Variants in ENOSF1 observed in about 807,000 individuals in gnomAD.
ENOSF1 encodes the protein enolase superfamily member 1.
In ENOSF1, 73 loss-of-function variants were observed where a neutral mutation model predicts 68.2. The ratio of observed to expected loss-of-function variants is 1.07; its 90% CI spans 0.89 to 1.30. The LOEUF (loss-of-function observed/expected upper bound fraction) is 1.30, where lower values mean the gene tolerates loss of function less well. Ranked by LOEUF, ENOSF1 falls within the 50% of genes most tolerant of loss-of-function variation. The probability of loss-of-function intolerance (pLI) is 0.00; values close to 1 mark genes in which losing one functional copy is unlikely to be tolerated. For synonymous variants in ENOSF1, 223 were observed against 210.4 expected (o/e 1.06, Z -0.52); for missense variants, 589 against 554.5 (o/e 1.06, Z -0.62).
chr18:678,539 G>C (rs961286931), intron 12 of ENOSF1, 157 bp downstream of exon 12: 3 of 713,948 alleles, frequency 4.2e-6, no homozygotes, highest in Non-Finnish European at 7.4e-6. Flanking sequence ...TCTGACTCTA[G>C]ACTCTGATAA....
Position 670,549 on chromosome 18 carries a change from A to G in ENOSF1, c.*3756T>C. On this transcript the variant is annotated 3_prime_UTR_variant, in exon 16 of 16. Transcript: ENST00000647584. ...CCGTGCCATCGCTGCAGAGGCTGTT[A>G]TGGACATCACTGCAGCCCAGTGGCT... 7.3e-6 allele frequency: 6 copies of G among 818,384 alleles called. No homozygotes were observed. The highest frequency in any genetic ancestry group is 1.2e-5 in the Non-Finnish European group (6 of 519,988). The allele number at this position is 818,384 out of a possible 1,614,324, so 50.7% of individuals were successfully genotyped here.
chr18:695,727 G>A (rs572224424), intron 3 of ENOSF1, among the ~76,000 whole-genome samples: 2 of 152,292 alleles, frequency 1.3e-5, no homozygotes, highest in South Asian at 4.1e-4. Context: ...TTATAGGCGT[G>A]AGCTACTGTG....
Position 695,134 on chromosome 18 carries a change from G to A in ENOSF1, c.310-800C>T, listed in dbSNP as rs372114762. On this transcript the variant is annotated intron_variant, in intron 3 of 15. Coordinates refer to ENST00000647584, the MANE Select transcript of ENOSF1 (RefSeq NM_017512.7). ...CTGGGATCACGTATTACATTTAGTC[G>A]CCATGCCTCTTTAGTCTCTTTTTAC... Among the ~76,000 whole-genome samples the A allele has an allele frequency of 2.0e-4, 31 of 152,108 alleles. No individual in the cohort carries two copies. In the South Asian group the frequency reaches 5.4e-3, roughly 27 times the overall value.
At position 677,359 on chromosome 18, in the gene ENOSF1, T is replaced by C; in HGVS notation, c.1134A>G (p.Ala378=). Residue 378 remains alanine (A), a synonymous_variant, in exon 14 of 16, where the codon GCA becomes GCG. Transcript: ENST00000647584. ...LIIFDYISVS[A]SLENRVCEYV... is the part of the protein sequence containing the mutation. ...ACATTACTGACCTATTTTCAAGGCT[T>C]GCAGAAACTGATATGTAGTCAAATA... 6.2e-7 allele frequency: 1 copy of C among 1,613,846 alleles called. No individual in the cohort carries two copies. Among genetic ancestry groups the C allele is most frequent in the African/African-American group, 1.3e-5 (1 of 75,040 alleles).
At position 694,418 on chromosome 18, in the gene ENOSF1, A is replaced by G; in HGVS notation, c.310-84T>C. On this transcript the variant is annotated intron_variant, in intron 3 of 15. Transcript: ENST00000647584. ...GATGGCTCATGCCTGTAAACCCAGG[A>G]CTTTGGGACCAAGACCAGCCTGGCC... 3.1e-6 allele frequency: 4 copies of G among 1,301,006 alleles called. No individual in the cohort carries two copies. In the South Asian group the frequency reaches 5.2e-5, roughly 17 times the overall value. The allele number at this position is 1,301,006 out of a possible 1,614,324, so 80.6% of individuals were successfully genotyped here.
downstream of ENOSF1, among the ~76,000 whole-genome samples, chr18:667,233 A>C (rs200932742): frequency 3.1e-4 from 4 of 13,030 alleles, no homozygotes; most frequent in African/African-American, 2.2e-3. Flanking sequence ...ATGGTGATGG[A>C]GATGGAGATG....
chr18:684,672 C>T (rs2076447074), intron 10 of ENOSF1, among the ~76,000 whole-genome samples: 1 of 152,110 alleles, frequency 6.6e-6, no homozygotes, highest in Non-Finnish European at 1.5e-5. Flanking sequence ...CCTCTCCCTC[C>T]TAGGCCCTGG....
At chr18:666,843 T>C (rs1186702384), downstream of ENOSF1, among the ~76,000 whole-genome samples, 1 of 152,210 alleles carries the variant, frequency 6.6e-6, no homozygotes, top group South Asian at 2.1e-4. Context: ...GGGGAGTTCA[T>C]GTTTAATGGG....
At chr18:696,267 A>G (rs1484526352) in intron 3 of ENOSF1, among the ~76,000 whole-genome samples, 6 of 130,924 alleles carry the variant, frequency 4.6e-5, no homozygotes, top group Admixed American at 9.0e-5. Flanking sequence ...GCTGGAGTGC[A>G]GTGGTGCGAT....
rs1003122976 is a variant in ENOSF1 at position 698,647 on chromosome 18, G to T, written c.194-1292C>A. ...TTAATTATTATTTTTTAGAGACAGG[G>T]TTTCACTCTGTCACCCAGCCTGGAG... On this transcript the variant is annotated intron_variant, in intron 2 of 15. Coordinates refer to ENST00000647584, the MANE Select transcript of ENOSF1 (RefSeq NM_017512.7). Among the ~76,000 whole-genome samples the T allele has an allele frequency of 2.6e-5, 4 of 152,152 alleles. No homozygotes were observed. In the South Asian group the frequency reaches 6.2e-4, roughly 24 times the overall value.
downstream of ENOSF1, among the ~76,000 whole-genome samples, chr18:667,035 A>T (rs375975675): frequency 0.045 from 464 of 10,262 alleles, 131 homozygotes; most frequent in Non-Finnish European, 0.057. Context: ...ATGGTGATGG[A>T]GATGGTGATG....
At chr18:699,592 C>T (rs927667990) in intron 2 of ENOSF1, among the ~76,000 whole-genome samples, 1 of 152,130 alleles carries the variant, frequency 6.6e-6, no homozygotes, top group Non-Finnish European at 1.5e-5. Flanking sequence ...ATTTAGCCTA[C>T]GTTGTGTAAA....
intron 12 of ENOSF1, 168 bp from the exon 13 acceptor site, chr18:678,040 A>G: frequency 1.4e-6 from 1 of 727,474 alleles, no homozygotes; most frequent in Non-Finnish European, 2.1e-6. Flanking sequence ...GCGAGCTTTT[A>G]TAGCGTGGGC....
At chr18:669,778 C>A (rs2074950623), downstream of ENOSF1, among the ~76,000 whole-genome samples, 1 of 152,010 alleles carries the variant, frequency 6.6e-6, no homozygotes, top group East Asian at 1.9e-4. Flanking sequence ...ACATTTTTAA[C>A]AATTATATTG....
intron 10 of ENOSF1, 117 bp downstream of exon 10, chr18:685,804 G>A (rs1483785500): frequency 1.1e-5 from 9 of 831,958 alleles, no homozygotes; most frequent in Non-Finnish European, 1.8e-5. Flanking sequence ...GACCACAGAA[G>A]TGTACTTCCT....
At position 694,241 on chromosome 18, in the gene ENOSF1, G is replaced by A. The variant is rs780055701; in HGVS notation, c.396+7C>T. ...GGAGCCTCCTGAGCGTTTGTGAGAGGGGTTACCTTTCCCTCCTGCTTGGCC... is the reference window on the plus strand; with the variant it reads ...GGAGCCTCCTGAGCGTTTGTGAGAGAGGTTACCTTTCCCTCCTGCTTGGCC... On this transcript the variant is annotated splice_region_variant and intron_variant, in intron 4 of 15. Coordinates refer to ENST00000647584, the MANE Select transcript of ENOSF1 (RefSeq NM_017512.7). The A allele has an allele frequency of 5.0e-6, 8 of 1,613,826 alleles. No individual in the cohort carries two copies. The highest frequency in any genetic ancestry group is 8.5e-7 in the Non-Finnish European group (1 of 1,179,858).
At chr18:682,715 CAAA>C (rs35814994) in intron 11 of ENOSF1, among the ~76,000 whole-genome samples, 5 of 56,670 alleles carry the variant, frequency 8.8e-5, no homozygotes, top group Admixed American at 2.1e-4. Flanking sequence ...CTAAAAATAC[CAAA>C]AAAAAAAAAA....
chr18:674,544 AG>A, intron 15 of ENOSF1, 138 bp from the exon 16 acceptor site: 1 of 549,864 alleles, frequency 1.8e-6, no homozygotes, highest in South Asian at 2.4e-5. Context: ...TTTGACATGG[AG>A]TCACTGTCCG....
chr18:697,066 A>G (rs2847323), intron 3 of ENOSF1, among the ~76,000 whole-genome samples, 174 bp downstream of exon 3: 50,661 of 151,920 alleles, frequency 0.33, 8,743 homozygotes, highest in Non-Finnish European at 0.37. Flanking sequence ...GCAGTGAGCC[A>G]AGATTGCATC....
Sources: gnomAD v4.1 joint callset for allele counts (sites outside exome capture counted in the v4.1 genomes callset) on GRCh38, gnomAD v4.1.1 for gene constraint, MANE v1.5 for transcripts, NCBI Gene and HGNC (gene_info 2026-07-23, HGNC 2026-07-21) for gene names.